NRXN3: variants seen among roughly 807,000 people sequenced by gnomAD.
NRXN3 encodes the protein neurexin 3.
In NRXN3, 32 loss-of-function variants were observed where a neutral mutation model predicts 137.6. The ratio of observed to expected loss-of-function variants is 0.23; its 90% confidence interval spans 0.18 to 0.31. NRXN3 has a LOEUF of 0.31. NRXN3 is among the 10% of genes least tolerant of loss of function. The pLI is 1.00. For synonymous variants in NRXN3, 798 were observed against 784.5 expected (o/e 1.02, Z -0.29); for missense variants, 1,574 against 2,062.5 (o/e 0.76, Z 4.59).
At chr14:78,608,806 G>C (rs998622153) in intron 4 of NRXN3, among the ~76,000 whole-genome samples, 1 of 152,166 alleles carries the variant, frequency 6.6e-6, no homozygotes, top group African/African-American at 2.4e-5. Flanking sequence ...CCCTGGGGCA[G>C]AGGACACTCA....
intron 10 of NRXN3, among the ~76,000 whole-genome samples, chr14:78,883,652 C>T (rs1016729429): frequency 6.6e-6 from 1 of 152,144 alleles, no homozygotes; most frequent in Non-Finnish European, 1.5e-5. Context: ...AGAGACTGAA[C>T]CATGTGATGT....
At chr14:78,360,641 A>G (rs993464449) in intron 4 of NRXN3, among the ~76,000 whole-genome samples, 11 of 152,228 alleles carry the variant, frequency 7.2e-5, no homozygotes, top group African/African-American at 2.7e-4. Flanking sequence ...AAGTTAATAC[A>G]CGTAAGGTAC....
chr14:78,656,688 C>A (rs1406307403), intron 6 of NRXN3, among the ~76,000 whole-genome samples: 1 of 152,076 alleles, frequency 6.6e-6, no homozygotes, highest in Non-Finnish European at 1.5e-5. Flanking sequence ...AATGTTAATT[C>A]ATCTACCACT....
chr14:79,558,351 G>A (rs1180138498), intron 16 of NRXN3, among the ~76,000 whole-genome samples: 1 of 152,064 alleles, frequency 6.6e-6, no homozygotes, highest in Non-Finnish European at 1.5e-5. Context: ...AGTGTCTATG[G>A]CACCTATAGC....
At chr14:79,265,149 A>G (rs2078250930) in intron 15 of NRXN3, among the ~76,000 whole-genome samples, 2 of 150,654 alleles carry the variant, frequency 1.3e-5, no homozygotes, top group Non-Finnish European at 2.9e-5. Context: ...CCTCCAAGTG[A>G]TCATCTTCGT....
At position 78,958,339 on chromosome 14, in the gene NRXN3, T is replaced by C. The variant is rs199773515; in HGVS notation, c.2395+978T>C. Among the ~76,000 whole-genome samples the C allele has an allele frequency of 3.3e-5, 5 of 151,832 alleles. No individual in the cohort carries two copies. The East Asian group carries it at 9.7e-4, about 29-fold the overall frequency. Reference sequence around the variant, plus strand: ...TATCATCAAGTGCCATTTTACATGCTATATCTTTTTTTTCTTTCTTTCTTT... The same window carrying C: ...TATCATCAAGTGCCATTTTACATGCCATATCTTTTTTTTCTTTCTTTCTTT... On this transcript the variant is annotated intron_variant, in intron 11 of 20. Transcript: ENST00000335750.
At chr14:79,365,159 GA>G (rs1194948701) in intron 15 of NRXN3, among the ~76,000 whole-genome samples, 1 of 152,072 alleles carries the variant, frequency 6.6e-6, no homozygotes, top group African/African-American at 2.4e-5. Flanking sequence ...GTGACAGGTT[GA>G]ACTGGGTGGT....
intron 19 of NRXN3, among the ~76,000 whole-genome samples, chr14:79,773,681 C>T (rs565629327): frequency 1.1e-4 from 17 of 149,950 alleles, no homozygotes; most frequent in South Asian, 4.2e-4. Flanking sequence ...TAATGCTAGA[C>T]GATGAGTTAG....
At chr14:79,112,196 G>A (rs914006332) in intron 15 of NRXN3, among the ~76,000 whole-genome samples, 3 of 152,212 alleles carry the variant, frequency 2.0e-5, no homozygotes, top group South Asian at 4.1e-4. Context: ...AAGAGAAGAT[G>A]TTTAAAAAGT....
intron 15 of NRXN3, among the ~76,000 whole-genome samples, chr14:79,411,716 AT>A (rs1430329240): frequency 6.6e-6 from 1 of 152,146 alleles, no homozygotes; most frequent in Non-Finnish European, 1.5e-5. Context: ...TGCTTTTCTC[AT>A]TTATCTGTCA....
intron 10 of NRXN3, among the ~76,000 whole-genome samples, chr14:78,914,671 A>C (rs1044788720): frequency 2.0e-5 from 3 of 152,176 alleles, no homozygotes; most frequent in African/African-American, 7.2e-5. Flanking sequence ...GCTAAAGCAA[A>C]GTAAGAGATG....
intron 8 of NRXN3, among the ~76,000 whole-genome samples, chr14:78,784,491 A>G (rs1567303095): frequency 6.6e-6 from 1 of 152,214 alleles, no homozygotes. Flanking sequence ...CACCAGGACA[A>G]CAGAAGTGAA....
intron 15 of NRXN3, among the ~76,000 whole-genome samples, chr14:79,180,899 G>A (rs1054271199): frequency 9.2e-5 from 14 of 152,026 alleles, no homozygotes; most frequent in Admixed American, 3.9e-4. Context: ...AGCCAAGAGA[G>A]AGAGATACTG....
intron 16 of NRXN3, among the ~76,000 whole-genome samples, chr14:79,588,005 A>T (rs891749740): frequency 1.6e-4 from 25 of 152,172 alleles, no homozygotes; most frequent in African/African-American, 5.6e-4. Context: ...TAGCTAGGTG[A>T]CTTATAGTCA....
chr14:78,634,147 C>T (rs916622837), intron 4 of NRXN3, among the ~76,000 whole-genome samples: 11 of 152,206 alleles, frequency 7.2e-5, no homozygotes, highest in Non-Finnish European at 2.9e-5. Flanking sequence ...GTGGAACTAC[C>T]CCATCATAAC....
chr14:78,993,885 T>G (rs922163838), intron 15 of NRXN3, among the ~76,000 whole-genome samples: 16 of 139,524 alleles, frequency 1.1e-4, no homozygotes, highest in Non-Finnish European at 1.5e-4. Context: ...AATCTCTCTC[T>G]GTTGCCCAGG....
intron 10 of NRXN3, among the ~76,000 whole-genome samples, chr14:78,811,666 T>C (rs894858393): frequency 2.0e-5 from 3 of 152,224 alleles, no homozygotes; most frequent in Non-Finnish European, 4.4e-5. Flanking sequence ...GTAAGTCTTT[T>C]ATAGGTGCTA....
In NRXN3 at chr14:79,302,957, C is replaced by T. The variant is rs182234362; in HGVS notation, c.3263-164264C>T. On this transcript the variant is annotated intron_variant, in intron 15 of 20. Transcript: ENST00000335750. ...CCCTCAGGATCCAAACACTTCCCTC[C>T]AAGCCCCACCTCCAATGTTGGGGAT... Among the ~76,000 whole-genome samples the T allele has an allele frequency of 1.1e-3, 163 of 152,072 alleles. 2 individuals carry two copies. The highest frequency in any genetic ancestry group is 3.7e-3 in the African/African-American group (155 of 41,516).
intron 15 of NRXN3, among the ~76,000 whole-genome samples, chr14:79,032,087 T>G (rs1480993161): frequency 6.6e-6 from 1 of 152,124 alleles, no homozygotes; most frequent in Non-Finnish European, 1.5e-5. Context: ...CAGGATAAAT[T>G]TCATCAGTTC....
Sources: gnomAD v4.1 joint callset for allele counts (sites outside exome capture counted in the v4.1 genomes callset) on GRCh38, gnomAD v4.1.1 for gene constraint, MANE v1.5 for transcripts, NCBI Gene and HGNC (gene_info 2026-07-23, HGNC 2026-07-21) for gene names.